CXXC1: variants seen among roughly 807,000 people sequenced by gnomAD.
CXXC1 encodes the protein CXXC-type zinc finger protein 1.
Under a neutral mutation model 83.6 loss-of-function variants are expected in CXXC1, and 21 were observed. The ratio of observed to expected loss-of-function variants is 0.25; its 90% CI spans 0.18 to 0.36. The LOEUF (loss-of-function observed/expected upper bound fraction) is 0.36, where lower values mean the gene tolerates loss of function less well. CXXC1 is among the 10% of genes least tolerant of loss of function. The pLI, the probability that CXXC1 is intolerant of heterozygous loss-of-function variation, is 1.00. For missense variants in CXXC1, 688 were observed against 919.5 expected (o/e 0.75, Z 3.26); for synonymous variants, 371 against 337.5 (o/e 1.10, Z -1.09).
At position 50,282,701 on chromosome 18, in the gene CXXC1, A is replaced by G. The variant is rs757079278; in HGVS notation, c.1863T>C (p.Asn621=). The change falls in exon 15 of 15, where the codon AAT becomes AAC. Residue 621 remains asparagine (N), a synonymous_variant. Transcript: ENST00000285106. The surrounding 1 kb of genome is among the most constrained non-coding windows in gnomAD (Gnocchi z 5.8). ...CGCGGTTTGTCATGGCTGTGCGCAC[A>G]TTGCGCTCCTGCTCAAACAGCTCGT... ...KLDELFEQER[N]VRTAMTNRAG... The G allele has an allele frequency of 6.8e-6, 11 of 1,613,952 alleles. No individual in the cohort carries two copies. The highest frequency in any genetic ancestry group is 9.3e-6 in the Non-Finnish European group (11 of 1,180,030).
intron 9 of CXXC1, 83 bp downstream of exon 9, chr18:50,284,295 T>A: frequency 3.3e-6 from 5 of 1,520,312 alleles, no homozygotes; most frequent in Non-Finnish European, 4.4e-6. Flanking sequence ...GGATAGCTGA[T>A]TGACTGGTAG....
Position 50,286,059 on chromosome 18 carries a change from T to G in CXXC1, c.422A>C (p.Lys141Thr). The G allele has an allele frequency of 1.2e-6, 2 of 1,613,992 alleles. No homozygotes were observed. Among genetic ancestry groups the G allele is most frequent in the Non-Finnish European group, 1.7e-6 (2 of 1,179,952 alleles). The part of the protein sequence containing the change: ...MLARGSASPH[K>T]SSPQPLVATP... ...GGCCACCAAGGGCTGCGGAGAGGATTTGTGGGGCGAAGCAGAGCCCCGAGC... is the reference window on the plus strand; with the variant it reads ...GGCCACCAAGGGCTGCGGAGAGGATGTGTGGGGCGAAGCAGAGCCCCGAGC... Residue 141 changes from lysine (K) to threonine (T), a missense_variant, in exon 4 of 15, where the codon AAA becomes ACA. Lys to Thr is a moderately conservative substitution (Grantham distance 78). Around this residue, in one of 9 missense-constraint regions of CXXC1, gnomAD observed 142 missense variants for 150.7 expected, o/e 0.94. Transcript: ENST00000285106.
Position 50,284,725 on chromosome 18 carries a change from C to T in CXXC1, c.1020+7G>A. The T allele has an allele frequency of 6.2e-7, 1 of 1,613,188 alleles. No individual in the cohort carries two copies. The highest frequency in any genetic ancestry group is 1.1e-5 in the South Asian group (1 of 90,956). On this transcript the variant is annotated splice_region_variant and intron_variant, in intron 8 of 14. Coordinates refer to ENST00000285106, the MANE Select transcript of CXXC1 (RefSeq NM_014593.4). ...CCTTTCCACATCCACTTTACCCTCT[C>T]CATCACCTTCTTCTCAGACTTCTTC...
chr18:50,283,467 A>ACC (rs1295313041), intron 12 of CXXC1, 48 bp downstream of exon 12: 1 of 1,330,646 alleles, frequency 7.5e-7, no homozygotes, highest in Non-Finnish European at 1.1e-6. Context: ...CCCACTTCTG[A>ACC]CCCCCGCCTT....
intron 9 of CXXC1, 126 bp downstream of exon 9, chr18:50,284,252 G>T: frequency 6.9e-7 from 1 of 1,459,844 alleles, no homozygotes; most frequent in Non-Finnish European, 9.3e-7. Context: ...GTAGGTGGAT[G>T]GGTGAGTGGG....
In CXXC1 at chr18:50,284,712, C is replaced by CACTTTACCCTCTCCA. The variant is rs2040685020; in HGVS notation, c.1020+5_1020+19dup. On this transcript the variant is annotated intron_variant, in intron 8 of 14. Transcript: ENST00000285106. ...ACCCCACCCTCTGCCTTTCCACATC[C>CACTTTACCCTCTCCA]ACTTTACCCTCTCCATCACCTTCTT... The CACTTTACCCTCTCCA allele has an allele frequency of 6.2e-7, 1 of 1,611,764 alleles. No individual in the cohort carries two copies. The highest frequency in any genetic ancestry group is 2.2e-5 in the East Asian group (1 of 44,756).
chr18:50,286,653 G>A lies in CXXC1; in HGVS notation c.123-14C>T, dbSNP rs746247373. ...TTGTCACACCCGCTGCAGAGGATGGGGCAGGCGATGGAGATGTGAGGGGCG... is the reference window on the plus strand; with the variant it reads ...TTGTCACACCCGCTGCAGAGGATGGAGCAGGCGATGGAGATGTGAGGGGCG... On this transcript the variant is annotated splice_polypyrimidine_tract_variant and intron_variant, in intron 2 of 14. Transcript: ENST00000285106. 3.7e-6 allele frequency: 6 copies of A among 1,613,352 alleles called. No homozygotes were observed. Among genetic ancestry groups the A allele is most frequent in the Admixed American group, 1.7e-5 (1 of 60,008 alleles).
Position 50,282,501 on chromosome 18 carries a change from C to A in CXXC1, c.*92G>T. On this transcript the variant is annotated 3_prime_UTR_variant, in exon 15 of 15. Coordinates refer to ENST00000285106, the MANE Select transcript of CXXC1 (RefSeq NM_014593.4). This position sits in a 1 kb window ranked among gnomAD's most constrained non-coding sequence, Gnocchi z 5.8. ...ACCGGTGGATGGGCACAGGGAGAAC[C>A]GGAGAAACAGATGAGTGGAGGAACG... 1 of 1,502,504 alleles carries A rather than the reference C, an allele frequency of 6.7e-7. No individual in the cohort carries two copies. Among genetic ancestry groups the A allele is most frequent in the Non-Finnish European group, 9.1e-7 (1 of 1,101,972 alleles). 93.1% of individuals were successfully genotyped at this position (1,502,504 alleles called of 1,614,324 possible).
Position 50,285,313 on chromosome 18 carries a change from G to A in CXXC1, c.666+12C>T, listed in dbSNP as rs1252808703. On this transcript the variant is annotated intron_variant, in intron 6 of 14. Transcript: ENST00000285106. This position sits in a 1 kb window ranked among gnomAD's most constrained non-coding sequence, Gnocchi z 4.4. ...CCGCATGCCCCACCCCACCCTGGGG[G>A]GCTGGACTCACCGAGGAAGGGAAGT... The A allele has an allele frequency of 6.2e-7, 1 of 1,607,304 alleles. No individual in the cohort carries two copies. Among genetic ancestry groups the A allele is most frequent in the African/African-American group, 1.3e-5 (1 of 74,822 alleles).
At chr18:50,286,474 C>T in intron 3 of CXXC1, 65 bp downstream of exon 3, 1 of 1,359,010 alleles carries the variant, frequency 7.4e-7, no homozygotes, top group Non-Finnish European at 1.0e-6. Context: ...CCATAACCCC[C>T]CCTTGTGGCT....
chr18:50,286,914 C>G (rs1445280065), intron 1 of CXXC1, 56 bp from the exon 2 acceptor site: 2 of 1,230,430 alleles, frequency 1.6e-6, no homozygotes, highest in Non-Finnish European at 2.4e-6. Context: ...GCGGCTCATC[C>G]CCCCATTACA....
In CXXC1 at chr18:50,286,061, G is replaced by T. The variant is rs780852843; in HGVS notation, c.420C>A (p.His140Gln). Residue 140 changes from histidine (H) to glutamine (Q), a missense_variant, in exon 4 of 15, where the codon CAC becomes CAA. Physicochemically the swap from His to Gln is conservative, Grantham distance 24. Around this residue, in one of 9 missense-constraint regions of CXXC1, gnomAD observed 142 missense variants for 150.7 expected, o/e 0.94. Transcript: ENST00000285106. ...AMLARGSASP[H>Q]KSSPQPLVAT... ...CCACCAAGGGCTGCGGAGAGGATTT[G>T]TGGGGCGAAGCAGAGCCCCGAGCAA... is the stretch of plus-strand genomic sequence containing the variant. 1 of 1,613,902 alleles carries T rather than the reference G, an allele frequency of 6.2e-7. No individual in the cohort carries two copies. The highest frequency in any genetic ancestry group is 1.3e-5 in the African/African-American group (1 of 74,922).
rs2040690244 is a variant in CXXC1 at position 50,285,011 on chromosome 18, G to A, written c.903C>T (p.Asp301=). ...YQDFCAGAFD[D]HGLPWMSDTE... ...GCTCCTGTCTGCTCACCAGGCCATG[G>A]TCATCAAAGGCCCCTGCACAGAAGT... The change falls in exon 7 of 15, where the codon GAC becomes GAT. Residue 301 remains aspartate, a synonymous_variant. Coordinates refer to ENST00000285106, the MANE Select transcript of CXXC1 (RefSeq NM_014593.4). The surrounding 1 kb of genome is among the most constrained non-coding windows in gnomAD (Gnocchi z 4.4). 2 of 1,614,152 alleles carry A rather than the reference G, an allele frequency of 1.2e-6. No homozygotes were observed. Among genetic ancestry groups the A allele is most frequent in the Non-Finnish European group, 1.7e-6 (2 of 1,180,032 alleles).
intron 1 of CXXC1, 72 bp downstream of exon 1, chr18:50,287,515 C>G: frequency 6.3e-7 from 1 of 1,579,054 alleles, no homozygotes; most frequent in African/African-American, 1.3e-5. Context: ...ACCCCTGAGT[C>G]GGCCGACAGA....
rs372174601 is a variant in CXXC1, at chr18:50,283,253, G to A, written c.1671+12C>T. On this transcript the variant is annotated intron_variant, in intron 13 of 14. Coordinates refer to ENST00000285106, the MANE Select transcript of CXXC1 (RefSeq NM_014593.4). ...GAGGGGCAAAATGGGAGGAGCTGAG[G>A]GAAAACCTTACTTTGGGGTCCCGTG... 50 of 1,610,874 alleles carry A rather than the reference G, an allele frequency of 3.1e-5. No individual in the cohort carries two copies. The highest frequency in any genetic ancestry group is 3.6e-5 in the Non-Finnish European group (42 of 1,177,428).
Position 50,285,318 on chromosome 18 carries a change from G to C in CXXC1, c.666+7C>G, listed in dbSNP as rs756594170. On this transcript the variant is annotated splice_region_variant and intron_variant, in intron 6 of 14. Coordinates refer to ENST00000285106, the MANE Select transcript of CXXC1 (RefSeq NM_014593.4). This position sits in a 1 kb window ranked among gnomAD's most constrained non-coding sequence, Gnocchi z 4.4. ...TGCCCCACCCCACCCTGGGGGGCTG[G>C]ACTCACCGAGGAAGGGAAGTACTTG... 1 of 1,606,116 alleles carries C rather than the reference G, an allele frequency of 6.2e-7. No individual in the cohort carries two copies. Among genetic ancestry groups the C allele is most frequent in the Non-Finnish European group, 8.5e-7 (1 of 1,175,288 alleles).
At chr18:50,284,125 A>C in intron 9 of CXXC1, 24 bp from the exon 10 acceptor site, 1 of 1,593,720 alleles carries the variant, frequency 6.3e-7, no homozygotes, top group Non-Finnish European at 8.5e-7. Context: ...AGCAAGCAAC[A>C]GAATGAGTGA....
In CXXC1 at chr18:50,283,247, G is replaced by C; in HGVS notation, c.1671+18C>G. On this transcript the variant is annotated intron_variant, in intron 13 of 14. Coordinates refer to ENST00000285106, the MANE Select transcript of CXXC1 (RefSeq NM_014593.4). ...AGGGAGGAGGGGCAAAATGGGAGGA[G>C]CTGAGGGAAAACCTTACTTTGGGGT... The C allele has an allele frequency of 1.2e-6, 2 of 1,604,214 alleles. No individual in the cohort carries two copies. The highest frequency in any genetic ancestry group is 1.7e-6 in the Non-Finnish European group (2 of 1,171,316).
At position 50,285,949 on chromosome 18, in the gene CXXC1, C is replaced by T. The variant is rs2040705718; in HGVS notation, c.460-21G>A. ...TGATGCTGCAGGAGGGGGCCCAGAA[C>T]AGAAATCATGGACCCAGGCAGGGCT... On this transcript the variant is annotated intron_variant, in intron 4 of 14. Transcript: ENST00000285106. This position sits in a 1 kb window ranked among gnomAD's most constrained non-coding sequence, Gnocchi z 4.4. The T allele has an allele frequency of 2.5e-6, 4 of 1,613,928 alleles. No individual in the cohort carries two copies. The highest frequency in any genetic ancestry group is 3.4e-6 in the Non-Finnish European group (4 of 1,180,014).
Sources: gnomAD v4.1 joint callset for allele counts on GRCh38, gnomAD v4.1.1 for gene constraint, gnomAD v4.1.1 regional missense constraint, Gnocchi (gnomAD v3.1) non-coding constraint, MANE v1.5 for transcripts, NCBI Gene and HGNC (gene_info 2026-07-23, HGNC 2026-07-21) for gene names.